WDR4: variants seen among roughly 807,000 people sequenced by gnomAD.
The protein encoded by WDR4 is WDR4 tRNA N7-guanosine methyltransferase non-catalytic subunit.
A neutral mutation model predicts 48.6 loss-of-function variants in WDR4; 47 were observed. The ratio of observed to expected loss-of-function variants is 0.97; its 90% confidence interval spans 0.77 to 1.23. The LOEUF is 1.23. Among genes scored for constraint, WDR4 ranks in the 50% most tolerant of loss-of-function variants. The probability of loss-of-function intolerance (pLI) is 0.00; values close to 1 mark genes in which losing one functional copy is unlikely to be tolerated. For synonymous variants in WDR4, 268 were observed against 230.0 expected (o/e 1.17, Z -1.49); for missense variants, 606 against 551.6 (o/e 1.10, Z -0.99).
intron 4 of WDR4, among the ~76,000 whole-genome samples, chr21:42,863,052 A>C (rs1259985060): frequency 6.6e-6 from 1 of 152,080 alleles, no homozygotes; most frequent in Non-Finnish European, 1.5e-5. Flanking sequence ...TCGTGGCTGC[A>C]CCTGCTCCTC....
At chr21:42,861,088 A>G (rs1327290194) in intron 5 of WDR4, among the ~76,000 whole-genome samples, 2 of 152,028 alleles carry the variant, frequency 1.3e-5, no homozygotes, top group East Asian at 3.9e-4. Context: ...GAGGCGGGCG[A>G]ATCATGAGGT....
chr21:42,892,590 G>T, the WDR4 span, among the ~76,000 whole-genome samples: 1 of 152,146 alleles, frequency 6.6e-6, no homozygotes, highest in Non-Finnish European at 1.5e-5. Context: ...GATGAAATGC[G>T]AATGGGGCTC....
chr21:42,859,865 A>T, intron 5 of WDR4, 143 bp from the exon 6 acceptor site: 1 of 851,710 alleles, frequency 1.2e-6, no homozygotes. Flanking sequence ...CAACATGGGA[A>T]GTAGCTGTTA....
At chr21:42,873,834 A>G in intron 2 of WDR4, 143 bp from the exon 3 acceptor site, 1 of 954,734 alleles carries the variant, frequency 1.0e-6, no homozygotes, top group Non-Finnish European at 1.5e-6. Flanking sequence ...GACATATTAA[A>G]GGGACATGGG....
upstream of WDR4, among the ~76,000 whole-genome samples, chr21:42,880,934 C>CCT (rs1555984584): frequency 7.0e-6 from 1 of 143,200 alleles, no homozygotes; most frequent in East Asian, 2.0e-4. Context: ...TCCCACTAGT[C>CCT]TTTTTTTTTT....
rs576617266 is a variant in WDR4, at chr21:42,877,532, C to T, written c.90-765G>A. On this transcript the variant is annotated intron_variant, in intron 1 of 10. Transcript: ENST00000398208. ...GTGGAACAAAAAATATTTGCACACTCATTAAATTAAAAGTTGTATACTTGA... is the reference window on the plus strand; with the variant it reads ...GTGGAACAAAAAATATTTGCACACTTATTAAATTAAAAGTTGTATACTTGA... Among the ~76,000 whole-genome samples the T allele has an allele frequency of 6.6e-5, 10 of 150,802 alleles. 1 individual carries two copies. In the South Asian group the frequency reaches 2.1e-3, roughly 32 times the overall value.
At chr21:42,867,814 C>T (rs938157175) in intron 3 of WDR4, among the ~76,000 whole-genome samples, 5 of 152,004 alleles carry the variant, frequency 3.3e-5, no homozygotes, top group Admixed American at 2.6e-4. Context: ...ATCCTCTCAC[C>T]TTGGCCCCTC....
intron 6 of WDR4, among the ~76,000 whole-genome samples, chr21:42,858,915 G>A (rs946007999): frequency 6.6e-6 from 1 of 152,182 alleles, no homozygotes; most frequent in Non-Finnish European, 1.5e-5. Flanking sequence ...GAAGGACAGC[G>A]AAGAGGAAGG....
chr21:42,861,481 C>A (rs995582499), intron 5 of WDR4, among the ~76,000 whole-genome samples: 2 of 152,108 alleles, frequency 1.3e-5, no homozygotes, highest in Admixed American at 6.5e-5. Context: ...AAACCTCCCT[C>A]ACGTGCCTGG....
chr21:42,851,054 A>C (rs1476148003), intron 10 of WDR4, among the ~76,000 whole-genome samples: 1 of 152,104 alleles, frequency 6.6e-6, no homozygotes. Flanking sequence ...CTCCCAACGC[A>C]GGCCCCCAAG....
chr21:42,857,518 C>T (rs904505739), intron 6 of WDR4, among the ~76,000 whole-genome samples: 4 of 152,130 alleles, frequency 2.6e-5, no homozygotes, highest in African/African-American at 9.7e-5. Flanking sequence ...ATGAGAAAGG[C>T]AGACAACACA....
chr21:42,879,487 G>A lies in WDR4; in HGVS notation c.9C>T (p.Gly3=), dbSNP rs1480590860. The change falls in exon 1 of 11, where the codon GGC becomes GGT. Residue 3 remains glycine, a synonymous_variant. Transcript: ENST00000398208. ...GCCCGCACAACGCCAGTCCCACAGA[G>A]CCCGCCATGTACCCGCCCGCCTCAC... MA[G]SVGLALCGQT... 1 of 1,613,340 alleles carries A rather than the reference G, an allele frequency of 6.2e-7. No homozygotes were observed.
At chr21:42,863,944 A>C (rs2058183301) in intron 3 of WDR4, among the ~76,000 whole-genome samples, 1 of 85,586 alleles carries the variant, frequency 1.2e-5, no homozygotes, top group Non-Finnish European at 2.2e-5. Context: ...CGTCTCTACT[A>C]AAAATACAAA....
At chr21:42,847,796 G>A (rs975631248), downstream of WDR4, among the ~76,000 whole-genome samples, 2 of 152,140 alleles carry the variant, frequency 1.3e-5, no homozygotes, top group Non-Finnish European at 2.9e-5. Context: ...CTATCAGGCC[G>A]TGGGCAGGAT....
rs780859689 is a variant in WDR4 at position 42,879,419 on chromosome 21, G to C, written c.77C>G (p.Ser26Cys). 7.4e-6 allele frequency: 12 copies of C among 1,613,740 alleles called. No homozygotes were observed. In the African/African-American group the frequency reaches 1.3e-4, roughly 18 times the overall value. The change falls in exon 1 of 11, where the codon TCC becomes TGC. Residue 26 changes from serine to cysteine, a missense_variant. By Grantham distance (112) the Ser-to-Cys change is moderately radical. Transcript: ENST00000398208. ...AAGGCCCCCTCACCTGCTTGCTATG[G>C]AGGTGGCCAGGAATCGGCTGCCGCC... The part of the protein sequence containing the change: ...VRGGSRFLAT[S>C]IASSDDDSLF...
chr21:42,881,514 C>G (rs754943564), upstream of WDR4, among the ~76,000 whole-genome samples: 2 of 152,144 alleles, frequency 1.3e-5, no homozygotes, highest in Non-Finnish European at 2.9e-5. Context: ...TTTTCAAGTC[C>G]CAGAGTTCAG....
At chr21:42,852,008 G>A (rs1342013719) in intron 10 of WDR4, among the ~76,000 whole-genome samples, 1 of 152,224 alleles carries the variant, frequency 6.6e-6, no homozygotes, top group Non-Finnish European at 1.5e-5. Context: ...CTGAAGGCAG[G>A]TGCTCAGACC....
chr21:42,879,449 A>G lies in WDR4; in HGVS notation c.47T>C (p.Val16Ala). 1 of 1,613,510 alleles carries G rather than the reference A, an allele frequency of 6.2e-7. No homozygotes were observed. Among genetic ancestry groups the G allele is most frequent in the African/African-American group, 1.3e-5 (1 of 74,950 alleles). ...GLALCGQTLVVRGGSRFLATS... is the reference protein window; with the variant it reads ...GLALCGQTLVARGGSRFLATS... ...GGCCAGGAATCGGCTGCCGCCCCGCACCACCAACGTCTGCCCGCACAACGC... is the reference window on the plus strand; with the variant it reads ...GGCCAGGAATCGGCTGCCGCCCCGCGCCACCAACGTCTGCCCGCACAACGC... The change falls in exon 1 of 11, where the codon GTG (valine) becomes GCG (alanine). Residue 16 changes from valine (V) to alanine (A), a missense_variant. By Grantham distance (64) the Val-to-Ala change is moderately conservative. Coordinates refer to ENST00000398208, the MANE Select transcript of WDR4 (RefSeq NM_018669.6).
intron 6 of WDR4, among the ~76,000 whole-genome samples, chr21:42,856,022 T>C (rs1336991992): frequency 6.6e-6 from 1 of 152,152 alleles, no homozygotes; most frequent in East Asian, 1.9e-4. Flanking sequence ...CCCAGGCAGA[T>C]GACAAAGCCA....
Sources: gnomAD v4.1 joint callset for allele counts (sites outside exome capture counted in the v4.1 genomes callset) on GRCh38, gnomAD v4.1.1 for gene constraint, MANE v1.5 for transcripts, NCBI Gene and HGNC (gene_info 2026-07-23, HGNC 2026-07-21) for gene names.